RELN: variants seen among roughly 807,000 people sequenced by gnomAD.
The protein encoded by RELN is reelin.
In RELN, 108 loss-of-function variants were observed where a neutral mutation model predicts 427.6. The ratio of observed to expected loss-of-function variants is 0.25; its 90% CI spans 0.22 to 0.30. The LOEUF is 0.30. Among genes scored for constraint, RELN ranks in the 10% least tolerant of loss-of-function variants. RELN has a pLI of 1.00. For missense variants in RELN, 3,715 were observed against 4,302.8 expected (o/e 0.86, Z 3.82); for synonymous variants, 1,524 against 1,513.4 (o/e 1.01, Z -0.16).
chr7:103,952,909 C>T (rs1215892785), intron 1 of RELN, among the ~76,000 whole-genome samples: 3 of 152,038 alleles, frequency 2.0e-5, no homozygotes, highest in South Asian at 4.1e-4. Flanking sequence ...ACCGGGAAAA[C>T]GGTATTTTAA....
At chr7:103,933,261 G>C (rs921047379) in intron 1 of RELN, among the ~76,000 whole-genome samples, 5 of 152,110 alleles carry the variant, frequency 3.3e-5, no homozygotes, top group African/African-American at 4.8e-5. Context: ...TTGTTTTTGA[G>C]ATAATTATAA....
chr7:103,531,558 C>T (rs1030594316), intron 46 of RELN, among the ~76,000 whole-genome samples: 1 of 152,108 alleles, frequency 6.6e-6, no homozygotes, highest in Non-Finnish European at 1.5e-5. Flanking sequence ...ATCTTCAGCC[C>T]TGCTCTTCTC....
intron 2 of RELN, among the ~76,000 whole-genome samples, chr7:103,877,859 T>TA (rs1491322305): frequency 6.5e-3 from 49 of 7,580 alleles, no homozygotes; most frequent in Admixed American, 0.021. Context: ...TCTCCCTGCC[T>TA]TTTTTTTTTT....
chr7:103,496,011 T>G, intron 56 of RELN, 113 bp from the exon 57 acceptor site: 2 of 1,090,470 alleles, frequency 1.8e-6, no homozygotes, highest in Non-Finnish European at 2.8e-6. Flanking sequence ...TTCCTTAAAT[T>G]TTTATGCTCT....
rs1189099871 is a variant in RELN, at chr7:103,566,416, C to G, written c.4748-4G>C. On this transcript the variant is annotated splice_polypyrimidine_tract_variant and splice_region_variant and intron_variant, in intron 32 of 64. Coordinates refer to ENST00000428762, the MANE Select transcript of RELN (RefSeq NM_005045.4). ...GCCCACTGGGCTGAATGCTTCCCTG[C>G]AATCAGATGAATAAAGGTGGTTAGA... 6.2e-7 allele frequency: 1 copy of G among 1,613,732 alleles called. No homozygotes were observed. The highest frequency in any genetic ancestry group is 1.1e-5 in the South Asian group (1 of 91,074).
At position 103,806,640 on chromosome 7, in the gene RELN, G is replaced by A. The variant is rs1584255739; in HGVS notation, c.473+26897C>T. ...ATGCCCGGCCATAAGCACTTCTTAT[G>A]GAAAAATATGATTTATCTCTCCCAC... On this transcript the variant is annotated intron_variant, in intron 3 of 64. Coordinates refer to ENST00000428762, the MANE Select transcript of RELN (RefSeq NM_005045.4). Among the ~76,000 whole-genome samples, 3 of 151,876 alleles carry A rather than the reference G, an allele frequency of 2.0e-5. No homozygotes were observed. The East Asian group carries it at 5.8e-4, about 29-fold the overall frequency.
intron 2 of RELN, among the ~76,000 whole-genome samples, chr7:103,899,679 A>G (rs1336928348): frequency 6.6e-6 from 1 of 152,180 alleles, no homozygotes; most frequent in Non-Finnish European, 1.5e-5. Flanking sequence ...TCCATCACAT[A>G]AACAGAACCA....
At position 103,566,166 on chromosome 7, in the gene RELN, G is replaced by A. The variant is rs548533298; in HGVS notation, c.4936+58C>T. 1.2e-5 allele frequency: 17 copies of A among 1,442,362 alleles called. No individual in the cohort carries two copies. In the East Asian group the frequency reaches 3.4e-4, roughly 29 times the overall value. The allele number at this position is 1,442,362 out of a possible 1,614,324, so 89.3% of individuals were successfully genotyped here. Reference sequence around the variant, plus strand: ...TTAGAAAGTTTTCTCCTGACTTTTAGTTAATTTAGTCCTCTAGTTAATCAG... The same window carrying A: ...TTAGAAAGTTTTCTCCTGACTTTTAATTAATTTAGTCCTCTAGTTAATCAG... On this transcript the variant is annotated intron_variant, in intron 33 of 64. Transcript: ENST00000428762.
At chr7:103,940,210 AAGTTTC>A (rs761136324) in intron 1 of RELN, among the ~76,000 whole-genome samples, 1 of 152,178 alleles carries the variant, frequency 6.6e-6, no homozygotes, top group African/African-American at 2.4e-5. Context: ...CTCCAAGACC[AAGTTTC>A]ACTACTTGTT....
At chr7:103,937,093 C>A (rs1360549408) in intron 1 of RELN, among the ~76,000 whole-genome samples, 2 of 151,918 alleles carry the variant, frequency 1.3e-5, no homozygotes, top group Non-Finnish European at 2.9e-5. Flanking sequence ...TATTTATTGT[C>A]CTTAGCCTTA....
At position 103,612,865 on chromosome 7, in the gene RELN, A is replaced by G. The variant is rs981001161; in HGVS notation, c.2703-1062T>C. ...ACTGCTCAGGAGCTTGTAATTTATCATAGAAGATTAAAATATAGACATATT... is the reference window on the plus strand; with the variant it reads ...ACTGCTCAGGAGCTTGTAATTTATCGTAGAAGATTAAAATATAGACATATT... On this transcript the variant is annotated intron_variant, in intron 20 of 64. Coordinates refer to ENST00000428762, the MANE Select transcript of RELN (RefSeq NM_005045.4). 2.0e-5 allele frequency among the ~76,000 whole-genome samples: 3 copies of G among 152,332 alleles called. No individual in the cohort carries two copies. In the South Asian group the frequency reaches 6.2e-4, roughly 32 times the overall value.
chr7:103,652,531 T>C lies in RELN; in HGVS notation c.1763+20A>G. On this transcript the variant is annotated intron_variant, in intron 14 of 64. Transcript: ENST00000428762. ...AAACTCATTTTTAGTTTTGCACACT[T>C]ACAAAATAGGGCTTCCTACCTGTTA... 1.2e-6 allele frequency: 2 copies of C among 1,605,276 alleles called. No homozygotes were observed. The highest frequency in any genetic ancestry group is 1.7e-6 in the Non-Finnish European group (2 of 1,172,672).
intron 1 of RELN, among the ~76,000 whole-genome samples, chr7:103,924,985 T>TACACAC (rs1228074490): frequency 7.3e-5 from 10 of 137,634 alleles, no homozygotes; most frequent in Middle Eastern, 3.8e-3. Flanking sequence ...TGCATGCGCA[T>TACACAC]ACACATACAC....
chr7:103,959,867 T>C (rs1317844571), intron 1 of RELN, among the ~76,000 whole-genome samples: 1 of 152,102 alleles, frequency 6.6e-6, no homozygotes, highest in African/African-American at 2.4e-5. Flanking sequence ...CCCAAAGTGT[T>C]GAGAATACAG....
intron 3 of RELN, among the ~76,000 whole-genome samples, chr7:103,822,413 A>G (rs1039052367): frequency 6.6e-6 from 1 of 152,098 alleles, no homozygotes; most frequent in African/African-American, 2.4e-5. Context: ...AATTCAAATT[A>G]TTGATAAAAT....
At chr7:103,961,204 G>A (rs1161811749) in intron 1 of RELN, among the ~76,000 whole-genome samples, 1 of 152,134 alleles carries the variant, frequency 6.6e-6, no homozygotes, top group Non-Finnish European at 1.5e-5. Flanking sequence ...CTCTCCACCT[G>A]ATTTCTAGGT....
chr7:103,886,037 A>C (rs573571463), intron 2 of RELN, among the ~76,000 whole-genome samples: 1 of 152,342 alleles, frequency 6.6e-6, no homozygotes, highest in Admixed American at 6.5e-5. Flanking sequence ...AATAGATCTT[A>C]AAAACAATTT....
Position 103,575,611 on chromosome 7 carries a change from T to G in RELN, c.4240A>C (p.Ser1414Arg). 6.2e-7 allele frequency: 1 copy of G among 1,614,100 alleles called. No homozygotes were observed. The highest frequency in any genetic ancestry group is 8.5e-7 in the Non-Finnish European group (1 of 1,180,002). The part of the protein sequence containing the change: ...DGVYISEPCP[S>R]YCSGHGDCIS... The stretch of plus-strand genomic sequence containing the variant: ...CAGTCCCCATGGCCACTGCAGTAAC[T>G]GGGACAAGGCTCGGATATGTACACT... Residue 1414 changes from serine (S) to arginine (R), a missense_variant, in exon 29 of 65, where the codon AGT becomes CGT. Ser to Arg is a moderately radical substitution (Grantham distance 110). Coordinates refer to ENST00000428762, the MANE Select transcript of RELN (RefSeq NM_005045.4).
chr7:103,572,816 C>G (rs1312868599), intron 30 of RELN, among the ~76,000 whole-genome samples: 2 of 152,144 alleles, frequency 1.3e-5, no homozygotes. Context: ...TTCCTTAAAT[C>G]TAGTTAACAC....
Sources: allele counts gnomAD v4.1 joint callset (sites outside exome capture counted in the v4.1 genomes callset), GRCh38; gene constraint gnomAD v4.1.1; transcripts MANE v1.5; gene names NCBI Gene and HGNC (gene_info 2026-07-23, HGNC 2026-07-21).